SLC6A7: variants seen among roughly 807,000 people sequenced by gnomAD.
SLC6A7 encodes the protein sodium-dependent proline transporter.
A neutral mutation model predicts 73.1 loss-of-function variants in SLC6A7; 58 were observed. The ratio of observed to expected loss-of-function variants is 0.79; its 90% CI spans 0.64 to 0.99. The LOEUF is 0.99. SLC6A7 is among the 50% of genes least tolerant of loss of function. SLC6A7 has a pLI of 0.00. For synonymous variants in SLC6A7, 338 were observed against 338.7 expected, an observed-to-expected ratio of 1.00 and a Z score of 0.02; for missense variants, 783 against 831.4, an observed-to-expected ratio of 0.94 and a Z score of 0.72.
chr5:150,202,829 C>A (rs1753459474), intron 8 of SLC6A7, 126 bp downstream of exon 8: 4 of 1,048,426 alleles, frequency 3.8e-6, no homozygotes, highest in Non-Finnish European at 5.4e-6. Context: ...GATCCCAGCA[C>A]TTTGGGAGGC....
At chr5:150,205,397 C>T (rs948756416) in intron 12 of SLC6A7, 59 bp from the exon 13 acceptor site, 14 of 1,305,862 alleles carry the variant, frequency 1.1e-5, no homozygotes, top group Middle Eastern at 1.9e-4. Context: ...TGGGCTACCT[C>T]GGGCCTTAAG....
At position 150,204,131 on chromosome 5, in the gene SLC6A7, C is replaced by T. The variant is rs994230989; in HGVS notation, c.1332+93C>T. ...GGCCCAGCTGAGCAGTTGCTGGGCC[C>T]CCTCCATCTTCCTCTTTGCAAGGAA... On this transcript the variant is annotated intron_variant, in intron 10 of 13. Transcript: ENST00000230671. 5.5e-6 allele frequency: 7 copies of T among 1,277,858 alleles called. No individual in the cohort carries two copies. The East Asian group carries it at 1.5e-4, about 27-fold the overall frequency. The allele number at this position is 1,277,858 out of a possible 1,614,324, so 79.2% of individuals were successfully genotyped here.
Position 150,197,282 on chromosome 5 carries a change from G to A in SLC6A7, c.584+6G>A, listed in dbSNP as rs777999803. On this transcript the variant is annotated splice_donor_region_variant and intron_variant, in intron 4 of 13. Transcript: ENST00000230671. Reference sequence around the variant, plus strand: ...CCCAGCGAGGAGTACTGGAGGTCAGGCAGCTGCTGGCCCCGCGGCATCTGA... The same window carrying A: ...CCCAGCGAGGAGTACTGGAGGTCAGACAGCTGCTGGCCCCGCGGCATCTGA... The A allele has an allele frequency of 1.3e-6, 2 of 1,581,010 alleles. No homozygotes were observed. Among genetic ancestry groups the A allele is most frequent in the South Asian group, 1.1e-5 (1 of 87,210 alleles).
rs79186833 is a variant in SLC6A7, at chr5:150,200,038, C to T, written c.723+672C>T. Among the ~76,000 whole-genome samples the T allele has an allele frequency of 3.0e-3, 461 of 152,216 alleles. 18 individuals are homozygous for T. The East Asian group carries it at 0.075, about 25-fold the overall frequency. ...GGATGGAATGCTTTTCTTGGCTGGG[C>T]GTGGGTCATGTAACCACCCCTGGAG... On this transcript the variant is annotated intron_variant, in intron 5 of 13. Coordinates refer to ENST00000230671, the MANE Select transcript of SLC6A7 (RefSeq NM_014228.5).
At chr5:150,191,352 C>T (rs1271326645) in intron 1 of SLC6A7, among the ~76,000 whole-genome samples, 1 of 152,044 alleles carries the variant, frequency 6.6e-6, no homozygotes, top group African/African-American at 2.4e-5. Context: ...CACACTCACT[C>T]ACACACACAC....
At chr5:150,206,083 G>T (rs1478226489) in intron 13 of SLC6A7, among the ~76,000 whole-genome samples, 1 of 152,190 alleles carries the variant, frequency 6.6e-6, no homozygotes, top group African/African-American at 2.4e-5. Flanking sequence ...TTTGGGGAGG[G>T]ACTCAGACAA....
chr5:150,207,365 C>T (rs1434440758), intron 13 of SLC6A7, among the ~76,000 whole-genome samples: 1 of 152,194 alleles, frequency 6.6e-6, no homozygotes, highest in Non-Finnish European at 1.5e-5. Flanking sequence ...AAGTGATTCT[C>T]CTGCCTCAGC....
At chr5:150,194,671 C>A in intron 1 of SLC6A7, 57 bp from the exon 2 acceptor site, 2 of 1,335,480 alleles carry the variant, frequency 1.5e-6, no homozygotes, top group Non-Finnish European at 2.1e-6. Context: ...CTTGAGGTCA[C>A]ATTTCTGGCC....
chr5:150,192,922 C>T (rs1752852027), intron 1 of SLC6A7, among the ~76,000 whole-genome samples: 1 of 152,140 alleles, frequency 6.6e-6, no homozygotes, highest in African/African-American at 2.4e-5. Flanking sequence ...TCCCGGAGCT[C>T]ACCTGGGGTG....
At position 150,205,494 on chromosome 5, in the gene SLC6A7, G is replaced by C. The variant is rs756381432; in HGVS notation, c.1572G>C (p.Ser524=). 2 of 1,612,802 alleles carry C rather than the reference G, an allele frequency of 1.2e-6. No individual in the cohort carries two copies. The highest frequency in any genetic ancestry group is 1.7e-6 in the Non-Finnish European group (2 of 1,179,448). The part of the protein sequence containing the change: ...MVYSIVKYQP[S]EYGSYRFPPW... ...ATAGCATCGTCAAGTACCAGCCCTC[G>C]GAGTATGGCAGTTACCGCTTCCCGC... is the stretch of plus-strand genomic sequence containing the variant. The change falls in exon 13 of 14, where the codon TCG becomes TCC. Residue 524 remains serine (S), a synonymous_variant. Transcript: ENST00000230671.
Position 150,201,073 on chromosome 5 carries a change from A to G in SLC6A7, c.724-16A>G, listed in dbSNP as rs929162739. 5 of 1,612,872 alleles carry G rather than the reference A, an allele frequency of 3.1e-6. No individual in the cohort carries two copies. Among genetic ancestry groups the G allele is most frequent in the Non-Finnish European group, 4.2e-6 (5 of 1,179,314 alleles). On this transcript the variant is annotated splice_polypyrimidine_tract_variant and intron_variant, in intron 5 of 13. Coordinates refer to ENST00000230671, the MANE Select transcript of SLC6A7 (RefSeq NM_014228.5). ...AGGTCCCCGATGCCATCAGCTCCTC[A>G]CTTATCATCTCTCAGGTGGTGTATT...
Position 150,202,598 on chromosome 5 carries a change from C to T in SLC6A7, c.982C>T (p.Leu328=), listed in dbSNP as rs767617492. Residue 328 remains leucine, a synonymous_variant, in exon 8 of 14, where the codon CTG becomes TTG. Coordinates refer to ENST00000230671, the MANE Select transcript of SLC6A7 (RefSeq NM_014228.5). ...TGGTAGAGACACTTTCATCGTCACT[C>T]TGGGCAACGCCATCACCAGCATCCT... ...NIYRDTFIVT[L]GNAITSILAG... 2 of 1,614,112 alleles carry T rather than the reference C, an allele frequency of 1.2e-6. No homozygotes were observed. The highest frequency in any genetic ancestry group is 1.7e-6 in the Non-Finnish European group (2 of 1,180,032).
chr5:150,207,701 C>T (rs544398729), intron 13 of SLC6A7, among the ~76,000 whole-genome samples: 1 of 152,300 alleles, frequency 6.6e-6, no homozygotes, highest in African/African-American at 2.4e-5. Flanking sequence ...GTGACCTTGG[C>T]CAACTTAACT....
At position 150,202,751 on chromosome 5, in the gene SLC6A7, G is replaced by C. The variant is rs1205095861; in HGVS notation, c.1087+48G>C. ...GTGGGGTGAGCATGTGTGTTGGGTA[G>C]AGATGGGGCTGGGCCAGTGGACCAG... On this transcript the variant is annotated intron_variant, in intron 8 of 13. Coordinates refer to ENST00000230671, the MANE Select transcript of SLC6A7 (RefSeq NM_014228.5). 3 of 1,602,562 alleles carry C rather than the reference G, an allele frequency of 1.9e-6. No homozygotes were observed. In the African/African-American group the frequency reaches 4.0e-5, roughly 21 times the overall value.
At chr5:150,202,518 G>A in intron 7 of SLC6A7, 61 bp from the exon 8 acceptor site, 1 of 1,610,844 alleles carries the variant, frequency 6.2e-7, no homozygotes, top group Non-Finnish European at 8.5e-7. Context: ...GCCAGGGAGG[G>A]CCTCAGAGGC....
intron 4 of SLC6A7, among the ~76,000 whole-genome samples, chr5:150,197,800 C>G (rs1458018088): frequency 6.6e-6 from 1 of 152,026 alleles, no homozygotes; most frequent in Non-Finnish European, 1.5e-5. Context: ...AGCATAAGGC[C>G]AGGACGTACA....
rs201737851 is a variant in SLC6A7 at position 150,197,050 on chromosome 5, G to A, written c.358G>A (p.Ala120Thr). Residue 120 changes from alanine to threonine, a missense_variant, in exon 4 of 14, where the codon GCA (alanine) becomes ACA (threonine). By Grantham distance (58) the Ala-to-Thr change is moderately conservative. Transcript: ENST00000230671. ...KISPLFKGAG[A>T]AMLLIVGLVA... ...GCCTCTCCCCACACCAGGCGCCGGC[G>A]CAGCCATGCTGCTCATCGTGGGCTT... 5.3e-5 allele frequency: 85 copies of A among 1,613,642 alleles called. No homozygotes were observed. Among genetic ancestry groups the A allele is most frequent in the East Asian group, 8.9e-5 (4 of 44,886 alleles).
chr5:150,191,446 T>G (rs1343077470), intron 1 of SLC6A7, among the ~76,000 whole-genome samples: 1 of 151,836 alleles, frequency 6.6e-6, no homozygotes, highest in Non-Finnish European at 1.5e-5. Flanking sequence ...GTTTTTTTTT[T>G]TTGAGACGGA....
At position 150,203,607 on chromosome 5, in the gene SLC6A7, T is replaced by G. The variant is rs1217566856; in HGVS notation, c.1088-60T>G. ...GTGTAAGTGGCCGTGTGTGTCTGAG[T>G]GTGCGTATGGGAGCCCACCGCATGA... On this transcript the variant is annotated intron_variant, in intron 8 of 13. Coordinates refer to ENST00000230671, the MANE Select transcript of SLC6A7 (RefSeq NM_014228.5). 4.8e-6 allele frequency: 4 copies of G among 827,046 alleles called. No homozygotes were observed. The African/African-American group carries it at 6.7e-5, about 14-fold the overall frequency. 51.2% of individuals were successfully genotyped at this position (827,046 alleles called of 1,614,324 possible).
Sources: gnomAD v4.1 joint callset for allele counts (sites outside exome capture counted in the v4.1 genomes callset) on GRCh38, gnomAD v4.1.1 for gene constraint, MANE v1.5 for transcripts, NCBI Gene and HGNC (gene_info 2026-07-23, HGNC 2026-07-21) for gene names.